KCNMA1: variants seen among roughly 807,000 people sequenced by gnomAD.
KCNMA1 encodes potassium calcium-activated channel subfamily M alpha 1, also known as Calcium-activated potassium channel subunit alpha-1.
In KCNMA1, 29 loss-of-function variants were observed where a neutral mutation model predicts 140.0. That is an observed-to-expected ratio of 0.21 (90% CI 0.15 to 0.28). The LOEUF is 0.28. KCNMA1 is among the 10% of genes least tolerant of loss of function. KCNMA1 has a pLI of 1.00. For synonymous variants in KCNMA1, 612 were observed against 611.9 expected, an observed-to-expected ratio of 1.00 and a Z score of 0.00; for missense variants, 880 against 1,602.2, an observed-to-expected ratio of 0.55 and a Z score of 7.70.
At chr10:77,492,237 C>T (rs1184983655) in intron 1 of KCNMA1, among the ~76,000 whole-genome samples, 2 of 152,218 alleles carry the variant, frequency 1.3e-5, no homozygotes, top group African/African-American at 4.8e-5. Flanking sequence ...ATGGCTTCCA[C>T]ACTCTCTGCC....
At chr10:76,972,086 T>C (rs947448672) in intron 19 of KCNMA1, among the ~76,000 whole-genome samples, 1 of 152,158 alleles carries the variant, frequency 6.6e-6, no homozygotes, top group Non-Finnish European at 1.5e-5. Flanking sequence ...TCTTTTAATA[T>C]GGGCCACTTG....
chr10:76,953,678 T>C (rs1183362698), intron 21 of KCNMA1, 123 bp downstream of exon 21: 2 of 1,152,558 alleles, frequency 1.7e-6, no homozygotes, highest in Non-Finnish European at 2.6e-6. Flanking sequence ...AGAATTTCAC[T>C]CATCAAAAAT....
At chr10:76,918,913 T>C (rs1396544145) in intron 23 of KCNMA1, among the ~76,000 whole-genome samples, 1 of 117,500 alleles carries the variant, frequency 8.5e-6, no homozygotes, top group African/African-American at 3.2e-5. Context: ...CATATATATA[T>C]CACATCACAC....
intron 1 of KCNMA1, among the ~76,000 whole-genome samples, chr10:77,523,892 G>T (rs1445629811): frequency 1.3e-5 from 2 of 151,954 alleles, no homozygotes; most frequent in South Asian, 2.1e-4. Context: ...AACATAATAG[G>T]GTGACTATAG....
intron 2 of KCNMA1, among the ~76,000 whole-genome samples, chr10:77,362,913 C>T (rs949315920): frequency 2.0e-5 from 3 of 152,304 alleles, no homozygotes; most frequent in African/African-American, 7.2e-5. Flanking sequence ...GAGGCAGATA[C>T]ATTCCCTTTC....
intron 2 of KCNMA1, among the ~76,000 whole-genome samples, chr10:77,349,970 C>T (rs1472033591): frequency 1.3e-5 from 2 of 152,108 alleles, no homozygotes; most frequent in Non-Finnish European, 1.5e-5. Context: ...CTCGGCTTGG[C>T]TCACCGCAAC....
At chr10:76,978,198 C>G (rs767247419) in intron 19 of KCNMA1, among the ~76,000 whole-genome samples, 1 of 152,162 alleles carries the variant, frequency 6.6e-6, no homozygotes, top group Non-Finnish European at 1.5e-5. Context: ...TCTTTGTTAA[C>G]AGGAAGCCAA....
At chr10:77,527,655 C>T (rs1196198696) in intron 1 of KCNMA1, among the ~76,000 whole-genome samples, 2 of 152,120 alleles carry the variant, frequency 1.3e-5, no homozygotes, top group African/African-American at 4.8e-5. Context: ...GGTGCAATTT[C>T]TAGAAGAGCC....
rs571190923 is a variant in KCNMA1 at position 77,603,301 on chromosome 10, C to T, written c.378+33964G>A. ...TTGCACAGCTTCCTTCGGTCCCCCC[C>T]ACCCATCTCCACCCCCTCAGCCATG... is the stretch of plus-strand genomic sequence containing the variant. On this transcript the variant is annotated intron_variant, in intron 1 of 27. Transcript: ENST00000286628. 3.3e-5 allele frequency among the ~76,000 whole-genome samples: 5 copies of T among 152,268 alleles called. No individual in the cohort carries two copies. The East Asian group carries it at 5.8e-4, about 18-fold the overall frequency.
chr10:77,301,871 G>A (rs1451883822), intron 2 of KCNMA1, among the ~76,000 whole-genome samples: 1 of 150,600 alleles, frequency 6.6e-6, no homozygotes, highest in Non-Finnish European at 1.5e-5. Flanking sequence ...ACAGCCTAAT[G>A]TTTTCAACCC....
intron 2 of KCNMA1, among the ~76,000 whole-genome samples, chr10:77,399,391 T>TA (rs1180114381): frequency 1.3e-5 from 2 of 152,086 alleles, no homozygotes; most frequent in African/African-American, 4.8e-5. Context: ...TCAATTTTTT[T>TA]AAAAAAAGCA....
intron 2 of KCNMA1, among the ~76,000 whole-genome samples, chr10:77,348,360 A>G (rs2092457377): frequency 6.6e-6 from 1 of 152,220 alleles, no homozygotes; most frequent in Non-Finnish European, 1.5e-5. Context: ...GCAAAAGTGA[A>G]GAGGCCATTG....
intron 1 of KCNMA1, chr10:77,635,531 T>C (rs2093650751): frequency 6.6e-6 from 1 of 151,832 alleles, no homozygotes; most frequent in African/African-American, 2.4e-5. Flanking sequence ...CCCGAGACTG[T>C]TGGGGGAGGT....
intron 1 of KCNMA1, among the ~76,000 whole-genome samples, chr10:77,546,079 C>T (rs1056240860): frequency 6.6e-6 from 1 of 152,226 alleles, no homozygotes; most frequent in East Asian, 1.9e-4. Flanking sequence ...AGACACCCAA[C>T]ACCACAGCCC....
chr10:76,981,154 C>T (rs1266941728), intron 19 of KCNMA1, among the ~76,000 whole-genome samples: 1 of 152,162 alleles, frequency 6.6e-6, no homozygotes, highest in African/African-American at 2.4e-5. Flanking sequence ...GTGTAATTCA[C>T]ATGGGTCCAT....
intron 1 of KCNMA1, among the ~76,000 whole-genome samples, chr10:77,568,828 A>G (rs1339532034): frequency 6.6e-6 from 1 of 151,592 alleles, no homozygotes; most frequent in Non-Finnish European, 1.5e-5. Flanking sequence ...TTGTATATCT[A>G]GAAAACCCCA....
chr10:77,512,350 T>C (rs2048704633), intron 1 of KCNMA1, among the ~76,000 whole-genome samples: 3 of 152,220 alleles, frequency 2.0e-5, no homozygotes, highest in Admixed American at 6.5e-5. Flanking sequence ...ATGAGGAATT[T>C]TTGTGCTCTG....
At chr10:77,389,774 C>T (rs2095748001) in intron 2 of KCNMA1, among the ~76,000 whole-genome samples, 1 of 152,178 alleles carries the variant, frequency 6.6e-6, no homozygotes, top group Non-Finnish European at 1.5e-5. Flanking sequence ...CTACATGCTT[C>T]TACCTATAGG....
chr10:76,956,253 A>G (rs1286904864), intron 20 of KCNMA1, among the ~76,000 whole-genome samples: 2 of 152,128 alleles, frequency 1.3e-5, no homozygotes, highest in African/African-American at 4.8e-5. Flanking sequence ...AAGAAAAAAG[A>G]CAGCTAATGT....
Sources: allele counts gnomAD v4.1 joint callset (sites outside exome capture counted in the v4.1 genomes callset), GRCh38; gene constraint gnomAD v4.1.1; transcripts MANE v1.5; gene names NCBI Gene and HGNC (gene_info 2026-07-23, HGNC 2026-07-21).